Variants in DLGAP1 observed in about 807,000 individuals in gnomAD.
The protein encoded by DLGAP1 is disks large-associated protein 1.
DLGAP1 carries 11 observed loss-of-function variants against 90.8 expected under a neutral mutation model. The observed-to-expected ratio is 0.12, with a 90% CI of 0.08 to 0.20. The LOEUF (loss-of-function observed/expected upper bound fraction) is 0.20. Among genes scored for constraint, DLGAP1 ranks in the 10% least tolerant of loss-of-function variants. The probability of loss-of-function intolerance (pLI) is 1.00; values close to 1 mark genes in which losing one functional copy is unlikely to be tolerated. For missense variants in DLGAP1, 1,050 were observed against 1,333.8 expected (o/e 0.79, Z 3.31); for synonymous variants, 558 against 540.7 (o/e 1.03, Z -0.44).
chr18:4,335,447 T>A (rs115620689), intron 1 of DLGAP1, among the ~76,000 whole-genome samples: 1,545 of 152,008 alleles, frequency 0.01, 67 homozygotes, highest in African/African-American at 0.035. Flanking sequence ...ATTTAATAGT[T>A]CACAAAGCCA....
In DLGAP1 at chr18:4,076,609, T is replaced by C. The variant is rs544896123; in HGVS notation, c.-158-71408A>G. On this transcript the variant is annotated intron_variant, in intron 2 of 12. Transcript: ENST00000315677. ...ATTTTTCTCACAACACTCTGTTTTC[T>C]TTCTTTATAGTATTATTATTATTAT... Among the ~76,000 whole-genome samples, 3 of 152,254 alleles carry C rather than the reference T, an allele frequency of 2.0e-5. No homozygotes were observed. In the East Asian group the frequency reaches 5.8e-4, roughly 29 times the overall value.
intron 9 of DLGAP1, among the ~76,000 whole-genome samples, chr18:3,551,937 C>G (rs2053500545): frequency 6.7e-6 from 1 of 150,164 alleles, no homozygotes; most frequent in South Asian, 2.1e-4. Context: ...CGCCATCACA[C>G]TTGGCTAATT....
chr18:3,588,707 G>C (rs2145504854), intron 7 of DLGAP1, among the ~76,000 whole-genome samples: 1 of 151,062 alleles, frequency 6.6e-6, no homozygotes, highest in East Asian at 2.0e-4. Flanking sequence ...TTGAGCCCGG[G>C]AGGCGGAGGT....
chr18:3,999,849 T>C (rs2074145826), intron 3 of DLGAP1, among the ~76,000 whole-genome samples: 1 of 152,182 alleles, frequency 6.6e-6, no homozygotes, highest in African/African-American at 2.4e-5. Flanking sequence ...TCTCGCTCTG[T>C]CATCTAGGCT....
chr18:4,014,864 C>T (rs556245884), intron 2 of DLGAP1, among the ~76,000 whole-genome samples: 8 of 152,210 alleles, frequency 5.3e-5, no homozygotes, highest in Admixed American at 3.9e-4. Flanking sequence ...CCCAACCTCA[C>T]CAGGTGCAGG....
At chr18:3,672,018 A>G (rs372365712) in intron 7 of DLGAP1, among the ~76,000 whole-genome samples, 34 of 152,170 alleles carry the variant, frequency 2.2e-4, no homozygotes, top group Admixed American at 5.9e-4. Flanking sequence ...GCAATGAGAT[A>G]TTTGTTCAGG....
intron 2 of DLGAP1, among the ~76,000 whole-genome samples, chr18:4,119,855 ACAT>A (rs559050971): frequency 3.2e-4 from 48 of 152,350 alleles, no homozygotes; most frequent in African/African-American, 1.1e-3. Context: ...ATGAAATGAG[ACAT>A]CATTTGGATA....
chr18:4,396,538 G>A (rs1179993752), intron 1 of DLGAP1, among the ~76,000 whole-genome samples: 2 of 152,172 alleles, frequency 1.3e-5, no homozygotes, highest in Non-Finnish European at 2.9e-5. Context: ...TACAGGGAAG[G>A]TTTCCCGTAG....
intron 2 of DLGAP1, among the ~76,000 whole-genome samples, chr18:4,104,877 TTC>T (rs1278218285): frequency 6.6e-6 from 1 of 152,178 alleles, no homozygotes; most frequent in Non-Finnish European, 1.5e-5. Context: ...AAAGTCAAAA[TTC>T]TATTAAGTTT....
chr18:4,252,147 C>T (rs2078792466), intron 1 of DLGAP1, among the ~76,000 whole-genome samples: 1 of 152,168 alleles, frequency 6.6e-6, no homozygotes, highest in Admixed American at 6.5e-5. Flanking sequence ...GCTTGGGTCA[C>T]AGGAGAGGCA....
At chr18:3,848,404 C>T (rs368879819) in intron 4 of DLGAP1, among the ~76,000 whole-genome samples, 147 of 152,192 alleles carry the variant, frequency 9.7e-4, no homozygotes, top group African/African-American at 3.4e-3. Context: ...AGGGAGAAGA[C>T]GCATGGTAAA....
chr18:3,793,452 C>T (rs768673729), intron 5 of DLGAP1, among the ~76,000 whole-genome samples: 8 of 152,076 alleles, frequency 5.3e-5, no homozygotes, highest in South Asian at 2.1e-4. Context: ...TCAGAGTCCC[C>T]GTGTCACTCA....
At position 3,523,641 on chromosome 18, in the gene DLGAP1, A is replaced by G. The variant is rs180939432; in HGVS notation, c.2479+10553T>C. Reference sequence around the variant, plus strand: ...GGAGGGCGGATCACGAGGTCAGGAGATCGAGACCATCCTGGCTAACACGGT... The same window carrying G: ...GGAGGGCGGATCACGAGGTCAGGAGGTCGAGACCATCCTGGCTAACACGGT... On this transcript the variant is annotated intron_variant, in intron 10 of 12. Transcript: ENST00000315677. Among the ~76,000 whole-genome samples the G allele has an allele frequency of 7.7e-3, 1,170 of 151,718 alleles. 17 individuals are homozygous for G. Among genetic ancestry groups the G allele is most frequent in the African/African-American group, 0.027 (1,108 of 41,340 alleles).
intron 5 of DLGAP1, among the ~76,000 whole-genome samples, chr18:3,756,783 C>T (rs946030733): frequency 4.6e-5 from 7 of 151,814 alleles, no homozygotes; most frequent in African/African-American, 1.7e-4. Context: ...TTATGACTGA[C>T]ATCAGAAAGT....
intron 3 of DLGAP1, among the ~76,000 whole-genome samples, chr18:3,899,183 T>A (rs971433690): frequency 6.6e-6 from 1 of 152,208 alleles, no homozygotes; most frequent in Non-Finnish European, 1.5e-5. Flanking sequence ...CTGGGTGGCA[T>A]CCTATGGGCA....
At chr18:4,125,606 A>G (rs1456218734) in intron 2 of DLGAP1, among the ~76,000 whole-genome samples, 1 of 152,136 alleles carries the variant, frequency 6.6e-6, no homozygotes, top group African/African-American at 2.4e-5. Context: ...TGGTAACCCC[A>G]GGAAGGCTGA....
intron 3 of DLGAP1, among the ~76,000 whole-genome samples, chr18:3,948,777 T>A (rs1420720143): frequency 6.6e-6 from 1 of 151,498 alleles, no homozygotes; most frequent in Non-Finnish European, 1.5e-5. Flanking sequence ...GGGGAAAGGG[T>A]GGGAAGGGAG....
intron 5 of DLGAP1, among the ~76,000 whole-genome samples, chr18:3,783,834 G>A (rs1331785804): frequency 3.3e-5 from 5 of 152,218 alleles, no homozygotes; most frequent in Admixed American, 6.5e-5. Flanking sequence ...GCTTACATGT[G>A]AATATAAGGC....
chr18:3,987,311 C>T lies in DLGAP1; in HGVS notation c.-73+17805G>A, dbSNP rs370459679. Among the ~76,000 whole-genome samples, 23 of 152,190 alleles carry T rather than the reference C, an allele frequency of 1.5e-4. No homozygotes were observed. The East Asian group carries it at 1.7e-3, about 11-fold the overall frequency. On this transcript the variant is annotated intron_variant, in intron 3 of 12. Coordinates refer to ENST00000315677, the MANE Select transcript of DLGAP1 (RefSeq NM_004746.4). ...CTACTCACTGAGGTCCCCATTTCCT[C>T]GATTGTTTGGAGAAAGGATTTTGAA...
Sources: allele counts gnomAD v4.1 joint callset (sites outside exome capture counted in the v4.1 genomes callset), GRCh38; gene constraint gnomAD v4.1.1; transcripts MANE v1.5; gene names NCBI Gene and HGNC (gene_info 2026-07-23, HGNC 2026-07-21).